The following RBFOX1 variants were observed in gnomAD, a reference collection of about 807,000 sequenced individuals.
RBFOX1 encodes RNA binding fox-1 homolog 1, also known as RNA binding protein fox-1 homolog 1.
RBFOX1 carries 8 observed loss-of-function variants against 57.7 expected under a neutral mutation model. That is an observed-to-expected ratio of 0.14 (90% CI 0.08 to 0.25). The LOEUF (loss-of-function observed/expected upper bound fraction) is 0.25. Ranked by LOEUF, RBFOX1 falls within the 10% of genes least tolerant of loss-of-function variation. RBFOX1 has a pLI of 1.00. For missense variants in RBFOX1, 611 were observed against 548.5 expected (o/e 1.11, Z -1.14); for synonymous variants, 326 against 222.4 (o/e 1.47, Z -4.15).
Position 6,430,967 on chromosome 16 carries a change from GAA to G in RBFOX1, c.-64+113930_-64+113931del, listed in dbSNP as rs59044318. Among the ~76,000 whole-genome samples the G allele has an allele frequency of 3.9e-3, 353 of 90,466 alleles. 3 individuals carry two copies. The highest frequency in any genetic ancestry group is 0.014 in the African/African-American group (322 of 23,570). The allele number at this position is 90,466 out of a possible 152,430, so 59.3% of individuals were successfully genotyped here. On this transcript the variant is annotated intron_variant, in intron 2 of 15. Transcript: ENST00000550418. ...GCAACATAGTGAGTCCTCATCTCCA[GAA>G]AAAAAAAAAAAAAAAAAAATTAGCC...
chr16:6,556,090 ATCT>A (rs2097094408), intron 2 of RBFOX1, among the ~76,000 whole-genome samples: 2 of 152,148 alleles, frequency 1.3e-5, no homozygotes, highest in Admixed American at 6.6e-5. Flanking sequence ...TATAATTTAA[ATCT>A]TCTATTCCTC....
chr16:5,634,001 A>C (rs2048603760), intron 3 of RBFOX1, among the ~76,000 whole-genome samples: 3 of 152,180 alleles, frequency 2.0e-5, no homozygotes, highest in African/African-American at 7.2e-5. Context: ...TAGCAAGCCC[A>C]CCTTGAGTGT....
intron 4 of RBFOX1, among the ~76,000 whole-genome samples, chr16:5,868,952 G>A (rs558867375): frequency 2.1e-4 from 32 of 152,170 alleles, no homozygotes; most frequent in Non-Finnish European, 3.7e-4. Context: ...TGCACTGCAC[G>A]CATCGTTATA....
chr16:6,030,428 T>G (rs1422440578), intron 1 of RBFOX1, among the ~76,000 whole-genome samples: 1 of 152,228 alleles, frequency 6.6e-6, no homozygotes, highest in Non-Finnish European at 1.5e-5. Flanking sequence ...TAAATAGAAT[T>G]TGATAGCATG....
intron 4 of RBFOX1, among the ~76,000 whole-genome samples, chr16:7,451,009 C>G (rs916065945): frequency 6.6e-6 from 1 of 152,138 alleles, no homozygotes; most frequent in Admixed American, 6.5e-5. Context: ...TTAGATAAGA[C>G]CTGGGCTTCG....
At chr16:6,681,727 A>G (rs976414718) in intron 3 of RBFOX1, among the ~76,000 whole-genome samples, 5 of 152,020 alleles carry the variant, frequency 3.3e-5, no homozygotes, top group African/African-American at 1.2e-4. Context: ...TTATCTGACG[A>G]TATTGATAAT....
chr16:6,603,669 T>G (rs961941688), intron 2 of RBFOX1, among the ~76,000 whole-genome samples: 1 of 152,170 alleles, frequency 6.6e-6, no homozygotes, highest in Non-Finnish European at 1.5e-5. Context: ...CTGACTGTAG[T>G]GTGAACATTG....
At chr16:6,760,735 G>A (rs1288022478) in intron 3 of RBFOX1, among the ~76,000 whole-genome samples, 4 of 152,158 alleles carry the variant, frequency 2.6e-5, no homozygotes, top group African/African-American at 9.7e-5. Flanking sequence ...GGAAGATTAG[G>A]GCAAGGCACA....
intron 2 of RBFOX1, among the ~76,000 whole-genome samples, chr16:5,578,490 A>G (rs1357597338): frequency 6.6e-6 from 1 of 152,224 alleles, no homozygotes; most frequent in Non-Finnish European, 1.5e-5. Context: ...ACGGTCTGAC[A>G]TTTAGAAATG....
rs530838859 is a variant in RBFOX1 at position 5,847,406 on chromosome 16, C to G, written c.319-19897C>G. Among the ~76,000 whole-genome samples, 7 of 151,792 alleles carry G rather than the reference C, an allele frequency of 4.6e-5. No individual in the cohort carries two copies. The South Asian group carries it at 1.5e-3, about 32-fold the overall frequency. On this transcript the variant is annotated intron_variant, in intron 3 of 19. Coordinates refer to the RBFOX1 transcript ENST00000641259. ...ATCTTAAAATAGATCCTGATTGCAT[C>G]AAAGGATTAAAATGTGTGCACAGAT...
At chr16:6,240,383 C>G (rs1372496618) in intron 1 of RBFOX1, among the ~76,000 whole-genome samples, 1 of 152,086 alleles carries the variant, frequency 6.6e-6, no homozygotes, top group East Asian at 1.9e-4. Context: ...GCTTTCATCT[C>G]TGGATGGTGT....
At chr16:7,119,454 C>T (rs1387981191) in intron 4 of RBFOX1, among the ~76,000 whole-genome samples, 3 of 152,048 alleles carry the variant, frequency 2.0e-5, no homozygotes, top group Admixed American at 6.6e-5. Context: ...AGTAAACTGA[C>T]CACTGACAAT....
intron 5 of RBFOX1, among the ~76,000 whole-genome samples, chr16:7,520,469 G>A (rs2077296768): frequency 6.6e-6 from 1 of 152,146 alleles, no homozygotes; most frequent in African/African-American, 2.4e-5. Context: ...ATCTGCCTTG[G>A]AGATAGCTTT....
intron 4 of RBFOX1, among the ~76,000 whole-genome samples, chr16:7,098,570 C>T (rs2062090996): frequency 6.6e-6 from 1 of 152,178 alleles, no homozygotes; most frequent in African/African-American, 2.4e-5. Flanking sequence ...CACCCTTAAA[C>T]ATATACATTC....
intron 3 of RBFOX1, among the ~76,000 whole-genome samples, chr16:6,882,542 G>C (rs1369003356): frequency 6.6e-5 from 10 of 152,068 alleles, no homozygotes; most frequent in Non-Finnish European, 1.0e-4. Context: ...GTTGCAGTGA[G>C]CTGAGATCGC....
intron 4 of RBFOX1, among the ~76,000 whole-genome samples, chr16:5,894,965 G>A (rs8053514): frequency 0.28 from 41,959 of 152,052 alleles, 5,928 homozygotes; most frequent in South Asian, 0.43. Flanking sequence ...AGAGCTTGCA[G>A]TAGGCAGAGA....
At chr16:7,245,504 G>A (rs2094256069) in intron 4 of RBFOX1, among the ~76,000 whole-genome samples, 1 of 152,056 alleles carries the variant, frequency 6.6e-6, no homozygotes, top group Non-Finnish European at 1.5e-5. Context: ...CACCACTGTT[G>A]ACCAACAGAG....
chr16:5,428,105 GGTGTGTGTGTGTGTGTCTGTGTGTGT>G (rs1275391076), intron 1 of RBFOX1, among the ~76,000 whole-genome samples: 6 of 137,972 alleles, frequency 4.3e-5, no homozygotes, highest in South Asian at 2.4e-4. Flanking sequence ...GCTCTGGAAG[GGTGTGTGTGTGTGTGTCTGTGTGTGT>G]GTGTGTGTGT....
chr16:6,988,414 C>G (rs546130024), intron 3 of RBFOX1, among the ~76,000 whole-genome samples: 5 of 152,038 alleles, frequency 3.3e-5, no homozygotes, highest in Non-Finnish European at 2.9e-5. Context: ...ATTTCAAAGA[C>G]TTAGTATATG....
Sources: allele counts gnomAD v4.1 joint callset (sites outside exome capture counted in the v4.1 genomes callset), GRCh38; gene constraint gnomAD v4.1.1; transcripts MANE v1.5; gene names NCBI Gene and HGNC (gene_info 2026-07-23, HGNC 2026-07-21).